Variants in ZNF385A observed in about 807,000 individuals in gnomAD.
ZNF385A encodes the protein hematopoietic zinc finger protein.
Under a neutral mutation model 32.1 loss-of-function variants are expected in ZNF385A, and 14 were observed. The ratio of observed to expected loss-of-function variants is 0.44; its 90% CI spans 0.29 to 0.68. The LOEUF (loss-of-function observed/expected upper bound fraction) is 0.68. Among genes scored for constraint, ZNF385A ranks in the 30% least tolerant of loss-of-function variants. The probability of loss-of-function intolerance (pLI) is 0.14; values close to 1 mark genes in which losing one functional copy is unlikely to be tolerated. For missense variants in ZNF385A, 406 were observed against 478.4 expected (o/e 0.85, Z 1.41); for synonymous variants, 197 against 202.7 (o/e 0.97, Z 0.24).
Position 54,375,898 on chromosome 12 carries a change from C to T in ZNF385A, c.144G>A (p.Lys48=). The T allele has an allele frequency of 6.2e-7, 1 of 1,614,174 alleles. No individual in the cohort carries two copies. The highest frequency in any genetic ancestry group is 1.1e-5 in the South Asian group (1 of 91,084). The change falls in exon 2 of 7, where the codon AAG becomes AAA. Residue 48 remains lysine, a synonymous_variant. Coordinates refer to ENST00000394313, the MANE Select transcript of ZNF385A (RefSeq NM_015481.3). ...LSHTFGGPLL[K]TKRPVISCNI... ...TACAGGAAATGACGGGCCGCTTGGT[C>T]TTGAGCAAGGGTCCCCCAAAAGTGT...
intron 1 of ZNF385A, among the ~76,000 whole-genome samples, chr12:54,382,037 T>A (rs929567809): frequency 6.6e-6 from 1 of 151,900 alleles, no homozygotes; most frequent in African/African-American, 2.4e-5. Flanking sequence ...ACATAGTAGG[T>A]GCTCAAAAAA....
chr12:54,384,594 TAGGAAGA>T lies in ZNF385A; in HGVS notation c.-87_-81del. The T allele has an allele frequency of 7.0e-7, 1 of 1,431,688 alleles. No individual in the cohort carries two copies. Among genetic ancestry groups the T allele is most frequent in the Non-Finnish European group, 9.1e-7 (1 of 1,093,184 alleles). 88.7% of individuals were successfully genotyped at this position (1,431,688 alleles called of 1,614,324 possible). A position where few individuals can be genotyped will look rare whatever the true frequency, so the allele number is the denominator to read the frequency against. Reference sequence around the variant, plus strand: ...AGGGCAGAGAAAACATTCTGTGGGGTAGGAAGATTAAAGCTTGGGAACCCCACCCAAG... The same window carrying T: ...AGGGCAGAGAAAACATTCTGTGGGGTTTAAAGCTTGGGAACCCCACCCAAG... On this transcript the variant is annotated 5_prime_UTR_variant, in exon 1 of 7. Coordinates refer to ENST00000394313, the MANE Select transcript of ZNF385A (RefSeq NM_015481.3).
At chr12:54,387,352 C>T (rs936836136), upstream of ZNF385A, among the ~76,000 whole-genome samples, 1 of 152,134 alleles carries the variant, frequency 6.6e-6, no homozygotes, top group Non-Finnish European at 1.5e-5. Context: ...AGGCAGGCAA[C>T]TGGAGACAAA....
At chr12:54,372,900 G>A in intron 3 of ZNF385A, 1 of 220,366 alleles carries the variant, frequency 4.5e-6, no homozygotes, top group Admixed American at 5.5e-5. Context: ...TTACCCGGGT[G>A]TGGTGGCAGG....
intron 4 of ZNF385A, 52 bp downstream of exon 4, chr12:54,371,420 GC>G (rs771022859): frequency 2.3e-5 from 37 of 1,576,564 alleles, no homozygotes; most frequent in Non-Finnish European, 2.9e-5. Context: ...GGATGTAGAG[GC>G]AGGGGTGGCC....
intron 1 of ZNF385A, among the ~76,000 whole-genome samples, chr12:54,382,427 G>A (rs1039799287): frequency 2.6e-5 from 4 of 152,110 alleles, no homozygotes; most frequent in East Asian, 3.8e-4. Flanking sequence ...CCCTCATTTG[G>A]GGGGAGCAGC....
At position 54,374,041 on chromosome 12, in the gene ZNF385A, C is replaced by T. The variant is rs770977513; in HGVS notation, c.293G>A (p.Arg98Gln). ...TGGGGGAGCTGGGTCTCCAGGTTCT[C>T]GGACGCCAGGCTCCCTGCCTCTGGT... ...AKTRGREPGV[R>Q]EPGDPAPPGS... The change falls in exon 3 of 7, where the codon CGA becomes CAA. Residue 98 changes from arginine to glutamine, a missense_variant. Coordinates refer to ENST00000394313, the MANE Select transcript of ZNF385A (RefSeq NM_015481.3). 118 of 1,600,974 alleles carry T rather than the reference C, an allele frequency of 7.4e-5. No homozygotes were observed. Among genetic ancestry groups the T allele is most frequent in the South Asian group, 7.4e-4 (66 of 89,722 alleles).
At chr12:54,384,790 C>G (rs80025128), upstream of ZNF385A, 1 of 1,238,116 alleles carries the variant, frequency 8.1e-7, no homozygotes, top group Non-Finnish European at 1.0e-6. Flanking sequence ...GTGGTTTTCA[C>G]TTCCCCCTTT....
chr12:54,371,905 T>A (rs1200707108), intron 3 of ZNF385A, among the ~76,000 whole-genome samples, 190 bp from the exon 4 acceptor site: 1 of 152,190 alleles, frequency 6.6e-6, no homozygotes, highest in Non-Finnish European at 1.5e-5. Context: ...GGTGTGAAAC[T>A]CCAATGCTTG....
Position 54,373,976 on chromosome 12 carries a change from G to C in ZNF385A, c.358C>G (p.Pro120Ala). The C allele has an allele frequency of 6.6e-7, 1 of 1,524,290 alleles. No homozygotes were observed. The highest frequency in any genetic ancestry group is 1.4e-5 in the African/African-American group (1 of 72,202). The allele number at this position is 1,524,290 out of a possible 1,614,324, so 94.4% of individuals were successfully genotyped here. ...ATATGCGGGGATTCAGACACACCTGGACGGGGTGCTACACCATCCCCATTT... is the reference window on the plus strand; with the variant it reads ...ATATGCGGGGATTCAGACACACCTGCACGGGGTGCTACACCATCCCCATTT... ...PTNGDGVAPR[P>A]VSMENGLGPA... Residue 120 changes from proline to alanine, a missense_variant, in exon 3 of 7, where the codon CCA becomes GCA. Transcript: ENST00000394313.
In ZNF385A at chr12:54,371,066, C is replaced by T. The variant is rs367772895; in HGVS notation, c.635G>A (p.Arg212Gln). ...AGCTTTGATGGGCCCGAGCCCACTT[C>T]GGGCCTCCAGAATTGTCTTGTGCTT... ...GTKHKTILEA[R>Q]SGLGPIKAYP... Residue 212 changes from arginine (R) to glutamine (Q), a missense_variant, in exon 5 of 7, where the codon CGA becomes CAA. Physicochemically the swap from Arg to Gln is conservative, Grantham distance 43. Transcript: ENST00000394313. 4 of 1,611,976 alleles carry T rather than the reference C, an allele frequency of 2.5e-6. No homozygotes were observed. The highest frequency in any genetic ancestry group is 3.4e-6 in the Non-Finnish European group (4 of 1,179,162).
exon 1 of ZNF385A, chr12:54,391,279 T>G: frequency 7.9e-7 from 1 of 1,263,918 alleles, no homozygotes. Context: ...TCCGCGTCGC[T>G]CTGTCCCGGG....
At chr12:54,373,657 G>T (rs997380294) in intron 3 of ZNF385A, among the ~76,000 whole-genome samples, 3 of 152,286 alleles carry the variant, frequency 2.0e-5, no homozygotes, top group African/African-American at 7.2e-5. Context: ...AGATGAAAAG[G>T]CATCTCTCTG....
chr12:54,376,468 C>G (rs1954854880), intron 1 of ZNF385A, among the ~76,000 whole-genome samples: 2 of 152,196 alleles, frequency 1.3e-5, no homozygotes. Flanking sequence ...CCTCCCAACT[C>G]TGGATCCCTG....
At chr12:54,384,383 G>T (rs779226772) in intron 1 of ZNF385A, 45 bp downstream of exon 1, 1 of 1,536,488 alleles carries the variant, frequency 6.5e-7, no homozygotes, top group South Asian at 1.2e-5. Context: ...AGAGAGAAAG[G>T]TCGGGTCACA....
chr12:54,382,968 C>A (rs886762005), intron 1 of ZNF385A, among the ~76,000 whole-genome samples: 2 of 152,032 alleles, frequency 1.3e-5, no homozygotes, highest in African/African-American at 4.8e-5. Flanking sequence ...TCCAGACCAG[C>A]CTGGCCAAGA....
At chr12:54,376,082 C>G in intron 1 of ZNF385A, 128 bp from the exon 2 acceptor site, 1 of 676,910 alleles carries the variant, frequency 1.5e-6, no homozygotes, top group Non-Finnish European at 2.6e-6. Context: ...CCTGAGGGAT[C>G]TGAGCCTCAG....
chr12:54,382,849 A>G (rs560821726), intron 1 of ZNF385A, among the ~76,000 whole-genome samples: 1 of 152,028 alleles, frequency 6.6e-6, no homozygotes, highest in East Asian at 1.9e-4. Flanking sequence ...TTTTAAAAAA[A>G]ATATTTATTA....
chr12:54,380,018 G>A (rs568076298), intron 1 of ZNF385A, among the ~76,000 whole-genome samples: 2 of 152,334 alleles, frequency 1.3e-5, no homozygotes, highest in East Asian at 3.9e-4. Flanking sequence ...GCAGGGGACT[G>A]GATCTAGAGA....
Sources: gnomAD v4.1 joint callset for allele counts (sites outside exome capture counted in the v4.1 genomes callset) on GRCh38, gnomAD v4.1.1 for gene constraint, MANE v1.5 for transcripts, NCBI Gene and HGNC (gene_info 2026-07-23, HGNC 2026-07-21) for gene names.